Variants in IL1RAPL1 observed in about 807,000 individuals in gnomAD.
The protein encoded by IL1RAPL1 is interleukin-1 receptor accessory protein-like 1.
IL1RAPL1 carries 3 observed loss-of-function variants against 48.4 expected under a neutral mutation model. The ratio of observed to expected loss-of-function variants is 0.06; its 90% CI spans 0.03 to 0.16. The LOEUF is 0.16. Ranked by LOEUF, IL1RAPL1 falls within the 10% of genes least tolerant of loss-of-function variation. IL1RAPL1 has a pLI of 1.00. For synonymous variants in IL1RAPL1, 185 were observed against 187.7 expected (o/e 0.99, Z 0.12); for missense variants, 349 against 530.6 (o/e 0.66, Z 3.36).
At chrX:29,408,309 C>T (rs775989638) in intron 5 of IL1RAPL1, among the ~76,000 whole-genome samples, 6 of 111,032 alleles carry the variant, frequency 5.4e-5, no homozygotes, top group Non-Finnish European at 1.1e-4. Context: ...CATTTTTGCC[C>T]ATTTAATGCT....
At chrX:29,100,560 T>C (rs1023452893) in intron 2 of IL1RAPL1, among the ~76,000 whole-genome samples, 4 of 112,002 alleles carry the variant, frequency 3.6e-5, no homozygotes, top group Admixed American at 9.5e-5. Flanking sequence ...TAAGTTATAT[T>C]GTAGTTTGTT....
chrX:29,087,184 C>T (rs1244205484), intron 2 of IL1RAPL1, among the ~76,000 whole-genome samples: 6 of 97,148 alleles, frequency 6.2e-5, no homozygotes, highest in Non-Finnish European at 1.2e-4. Flanking sequence ...TGTCGCCAGG[C>T]TGGAGTGCAG....
intron 5 of IL1RAPL1, among the ~76,000 whole-genome samples, chrX:29,481,755 T>C (rs981328730): frequency 8.9e-6 from 1 of 112,279 alleles, no homozygotes; most frequent in Non-Finnish European, 1.9e-5. Flanking sequence ...GTGAGAAGTC[T>C]ACTTGCATGG....
chrX:29,318,273 T>C (rs1932777102), intron 3 of IL1RAPL1, among the ~76,000 whole-genome samples: 1 of 112,573 alleles, frequency 8.9e-6, no homozygotes, highest in South Asian at 3.6e-4. Flanking sequence ...TTGAACCACA[T>C]TGACCTATCT....
chrX:29,756,990 GA>G (rs747506291), intron 6 of IL1RAPL1, among the ~76,000 whole-genome samples: 3 of 111,364 alleles, frequency 2.7e-5, no homozygotes, highest in Non-Finnish European at 5.7e-5. Flanking sequence ...AAGGATTGCT[GA>G]CAGAGCACCA....
intron 2 of IL1RAPL1, among the ~76,000 whole-genome samples, chrX:29,112,957 C>T (rs1383719575): frequency 9.1e-6 from 1 of 109,929 alleles, no homozygotes; most frequent in Non-Finnish European, 1.9e-5. Context: ...TGTGCCACCA[C>T]GCTGCCACCA....
intron 5 of IL1RAPL1, among the ~76,000 whole-genome samples, chrX:29,446,038 A>G (rs1934607753): frequency 8.9e-6 from 1 of 112,286 alleles, no homozygotes; most frequent in South Asian, 3.6e-4. Context: ...AGAAAATTAA[A>G]CTAGAAATAA....
At chrX:29,428,219 A>G (rs1934372532) in intron 5 of IL1RAPL1, among the ~76,000 whole-genome samples, 2 of 112,029 alleles carry the variant, frequency 1.8e-5, no homozygotes, top group African/African-American at 3.2e-5. Flanking sequence ...ATTTACCTCA[A>G]CAAAGGCTTT....
chrX:29,637,823 T>G (rs1486752643), intron 5 of IL1RAPL1, among the ~76,000 whole-genome samples: 1 of 112,124 alleles, frequency 8.9e-6, no homozygotes, highest in African/African-American at 3.2e-5. Flanking sequence ...TAAGATTTTA[T>G]TAAACACAAT....
At chrX:29,608,121 C>T (rs1923952220) in intron 5 of IL1RAPL1, among the ~76,000 whole-genome samples, 1 of 112,147 alleles carries the variant, frequency 8.9e-6, no homozygotes, top group Non-Finnish European at 1.9e-5. Context: ...TAGTTGGAAC[C>T]TCTAAGATGT....
intron 9 of IL1RAPL1, among the ~76,000 whole-genome samples, chrX:29,945,683 A>G (rs1933202284): frequency 8.9e-6 from 1 of 112,007 alleles, no homozygotes; most frequent in Admixed American, 9.5e-5. Flanking sequence ...CAAGATATAC[A>G]GCCATTTTAT....
intron 2 of IL1RAPL1, among the ~76,000 whole-genome samples, chrX:29,146,140 A>G (rs1929345787): frequency 8.9e-6 from 1 of 111,804 alleles, no homozygotes; most frequent in Admixed American, 9.6e-5. Flanking sequence ...GAAAGACTTG[A>G]CCTGGCCTGA....
chrX:29,383,122 C>A (rs1381653560), intron 3 of IL1RAPL1, among the ~76,000 whole-genome samples: 3 of 111,991 alleles, frequency 2.7e-5, no homozygotes, highest in Non-Finnish European at 5.6e-5. Flanking sequence ...GTGAAGTTGA[C>A]CATAATCTGA....
intron 5 of IL1RAPL1, among the ~76,000 whole-genome samples, chrX:29,496,715 T>C (rs1935217924): frequency 9.0e-6 from 1 of 111,599 alleles, no homozygotes; most frequent in Admixed American, 9.5e-5. Flanking sequence ...TTAATTCCTT[T>C]ATTATTTTAG....
intron 6 of IL1RAPL1, among the ~76,000 whole-genome samples, chrX:29,803,394 T>C (rs867174811): frequency 1.5e-4 from 14 of 90,817 alleles, no homozygotes; most frequent in Non-Finnish European, 2.8e-4. Context: ...TGTATACACA[T>C]ATGTATATAT....
At chrX:28,590,776 G>A (rs770030327) in intron 1 of IL1RAPL1, among the ~76,000 whole-genome samples, 4 of 111,638 alleles carry the variant, frequency 3.6e-5, no homozygotes, top group Non-Finnish European at 7.5e-5. Context: ...ACCAAGCAGG[G>A]CATAGGTTTT....
At chrX:28,671,424 A>AAGT (rs1934946122) in intron 1 of IL1RAPL1, among the ~76,000 whole-genome samples, 1 of 111,951 alleles carries the variant, frequency 8.9e-6, no homozygotes. Context: ...TGAAATTACT[A>AAGT]GAGTTTTTCC....
chrX:29,107,242 A>G (rs1928466819), intron 2 of IL1RAPL1, among the ~76,000 whole-genome samples: 1 of 112,467 alleles, frequency 8.9e-6, no homozygotes, highest in Admixed American at 9.5e-5. Flanking sequence ...TGTTGGCTGT[A>G]AGAGCTCACT....
intron 3 of IL1RAPL1, among the ~76,000 whole-genome samples, chrX:29,361,483 G>A (rs1484268709): frequency 9.1e-6 from 1 of 109,592 alleles, no homozygotes; most frequent in African/African-American, 3.3e-5. Flanking sequence ...ATTACATCTG[G>A]CCTTCCTACT....
Sources: gnomAD v4.1 joint callset for allele counts (sites outside exome capture counted in the v4.1 genomes callset) on GRCh38, gnomAD v4.1.1 for gene constraint, MANE v1.5 for transcripts, NCBI Gene and HGNC (gene_info 2026-07-23, HGNC 2026-07-21) for gene names.